The following KLK15 variants were observed in gnomAD, a reference collection of about 807,000 sequenced individuals.
KLK15 encodes kallikrein related peptidase 15, also known as kallikrein-15.
Under a neutral mutation model 21.1 loss-of-function variants are expected in KLK15, and 19 were observed. The ratio of observed to expected loss-of-function variants is 0.90; its 90% CI spans 0.63 to 1.32. The LOEUF (loss-of-function observed/expected upper bound fraction) is 1.32, where lower values mean the gene tolerates loss of function less well. Among genes scored for constraint, KLK15 ranks in the 40% most tolerant of loss-of-function variants. The pLI, the probability that KLK15 is intolerant of heterozygous loss-of-function variation, is 0.00. For synonymous variants in KLK15, 141 were observed against 141.5 expected, an observed-to-expected ratio of 1.00 and a Z score of 0.03; for missense variants, 345 against 348.6, an observed-to-expected ratio of 0.99 and a Z score of 0.08.
chr19:50,826,090 G>A (rs1599948980), intron 4 of KLK15, 142 bp from the exon 6 acceptor site: 1 of 798,096 alleles, frequency 1.3e-6, no homozygotes, highest in Non-Finnish European at 1.9e-6. Flanking sequence ...ATACAGCCCA[G>A]TTTATCCCAA....
rs904982631 is a variant in KLK15 at position 50,831,506 on chromosome 19, C to T, written c.-14G>A. On this transcript the variant is annotated 5_prime_UTR_variant, in exon 1 of 5. It introduces an in-frame stop codon into an upstream open reading frame of the 5' UTR. Transcript: ENST00000598239. ...GAGAAGCCACATTGTGGAGGAGGGA[C>T]CAGGGTTCGGCTGCAGTCTGGGGAG... The T allele has an allele frequency of 2.1e-6, 3 of 1,458,702 alleles. No homozygotes were observed. Among genetic ancestry groups the T allele is most frequent in the African/African-American group, 1.5e-5 (1 of 66,712 alleles). 90.4% of individuals were successfully genotyped at this position (1,458,702 alleles called of 1,614,324 possible).
At chr19:50,828,900 C>T (rs1298472426) in intron 1 of KLK15, among the ~76,000 whole-genome samples, 2 of 130,426 alleles carry the variant, frequency 1.5e-5, no homozygotes, top group East Asian at 2.4e-4. Flanking sequence ...ACCCGGGAGG[C>T]GGAGATTGCA....
intron 1 of KLK15, among the ~76,000 whole-genome samples, chr19:50,828,531 C>A (rs1218615165): frequency 6.6e-6 from 1 of 151,730 alleles, no homozygotes; most frequent in Admixed American, 6.6e-5. Context: ...CAGCCAAATT[C>A]AGTGTGCAGT....
Position 50,827,761 on chromosome 19 carries a change from T to C in KLK15, c.98A>G (p.Gln33Arg), listed in dbSNP as rs931680217. 3.0e-5 allele frequency: 49 copies of C among 1,611,148 alleles called. No individual in the cohort carries two copies. The highest frequency in any genetic ancestry group is 3.6e-5 in the Non-Finnish European group (42 of 1,177,676). The change falls in exon 2 of 5, where the codon CAG becomes CGG. Residue 33 changes from glutamine (Q) to arginine (R), a missense_variant. Physicochemically the swap from Gln to Arg is conservative, Grantham distance 43. Transcript: ENST00000598239. ...CTCGTAGAGAGCCACTTGCCATGGCTGGGAGTGGGGTGCACACTCGTCACC... is the reference window on the plus strand; with the variant it reads ...CTCGTAGAGAGCCACTTGCCATGGCCGGGAGTGGGGTGCACACTCGTCACC...
At chr19:50,826,492 C>T in intron 4 of KLK15, 129 bp downstream of exon 5, 3 of 1,154,434 alleles carry the variant, frequency 2.6e-6, no homozygotes, top group Non-Finnish European at 2.4e-6. Context: ...AACTTCTCTT[C>T]CTACTCCATC....
chr19:50,828,486 T>A (rs1228347601), intron 1 of KLK15, among the ~76,000 whole-genome samples: 3 of 151,694 alleles, frequency 2.0e-5, no homozygotes, highest in Non-Finnish European at 4.4e-5. Flanking sequence ...ACTCAGTATG[T>A]GTGACCCAGC....
intron 1 of KLK15, among the ~76,000 whole-genome samples, chr19:50,830,069 C>T (rs955608649): frequency 6.6e-6 from 1 of 151,450 alleles, no homozygotes; most frequent in Non-Finnish European, 1.5e-5. Context: ...TGTGGAGTCA[C>T]TGATTGGGTT....
chr19:50,829,112 T>C lies in KLK15; in HGVS notation c.44-1297A>G, dbSNP rs73585068. On this transcript the variant is annotated intron_variant, in intron 1 of 4. Coordinates refer to ENST00000598239, the Ensembl canonical transcript of KLK15. The stretch of plus-strand genomic sequence containing the variant: ...CACAGAATTGGATATTGTTCAGACC[T>C]AAATTCAACATCTCTAGTGTGAGTC... 8.3e-3 allele frequency among the ~76,000 whole-genome samples: 1,260 copies of C among 151,016 alleles called. 38 individuals are homozygous for C. Among genetic ancestry groups the C allele is most frequent in the African/African-American group, 0.029 (1,189 of 41,186 alleles).
At chr19:50,832,339 T>TTC, upstream of KLK15, among the ~76,000 whole-genome samples, 2 of 149,270 alleles carry the variant, frequency 1.3e-5, no homozygotes, top group African/African-American at 5.0e-5. Context: ...TTTTTTTTTT[T>TTC]TGAGACGGAG....
At chr19:50,832,421 C>T (rs973210248), upstream of KLK15, among the ~76,000 whole-genome samples, 5 of 142,768 alleles carry the variant, frequency 3.5e-5, no homozygotes, top group Admixed American at 1.5e-4. Flanking sequence ...CTTCTGGGTT[C>T]AAGAGATTCT....
downstream of KLK15, chr19:50,825,689 G>C (rs2089867536): frequency 8.6e-7 from 1 of 1,168,932 alleles, no homozygotes; most frequent in Non-Finnish European, 1.2e-6. Flanking sequence ...CTGGGCCTTG[G>C]ACAGGGTCTT....
At chr19:50,827,571 G>A in intron 2 of KLK15, 91 bp downstream of exon 3, 1 of 1,370,438 alleles carries the variant, frequency 7.3e-7, no homozygotes. Context: ...GAACCCAGGA[G>A]TTCTGGCGTC....
chr19:50,831,217 A>C, intron 1 of KLK15: 1 of 393,618 alleles, frequency 2.5e-6, no homozygotes, highest in Non-Finnish European at 4.5e-6. Context: ...TAACCCCAGG[A>C]CCGTGTTCCT....
intron 3 of KLK15, 56 bp from the exon 5 acceptor site, chr19:50,826,813 C>T: frequency 6.3e-7 from 1 of 1,577,660 alleles, no homozygotes. Flanking sequence ...TTGTCCCCTC[C>T]GCCCAAGAGC....
intron 3 of KLK15, 54 bp downstream of exon 4, chr19:50,826,824 C>T: frequency 6.4e-7 from 1 of 1,568,582 alleles, no homozygotes; most frequent in Non-Finnish European, 8.6e-7. Context: ...GCCCAAGAGC[C>T]CTGGAGCATA....
chr19:50,827,753 G>A lies in KLK15; in HGVS notation c.106C>T (p.Gln36Ter), dbSNP rs2123407798. The A allele has an allele frequency of 1.9e-6, 3 of 1,610,902 alleles. No homozygotes were observed. In the East Asian group the frequency reaches 6.7e-5, roughly 36 times the overall value. The stretch of plus-strand genomic sequence containing the variant: ...CGTCCACGCTCGTAGAGAGCCACTT[G>A]CCATGGCTGGGAGTGGGGTGCACAC... The change falls in exon 2 of 5, where the codon CAA becomes TAA. Residue 36 changes from glutamine (Q) to a stop codon, truncating the protein, a stop_gained. Coordinates refer to ENST00000598239, the Ensembl canonical transcript of KLK15. LOFTEE classifies it high-confidence loss of function.
chr19:50,826,557 AT>A, intron 4 of KLK15, 63 bp downstream of exon 5: 3 of 1,502,954 alleles, frequency 2.0e-6, no homozygotes, highest in Non-Finnish European at 1.8e-6. Flanking sequence ...ATCCAACCCC[AT>A]CCGGACTCCC....
chr19:50,827,905 C>T (rs2089912764), intron 1 of KLK15, 90 bp from the exon 3 acceptor site: 1 of 1,239,560 alleles, frequency 8.1e-7, no homozygotes, highest in Non-Finnish European at 1.2e-6. Flanking sequence ...TACTATATGC[C>T]TATGCCTTTC....
At chr19:50,827,864 C>G (rs369395219) in intron 1 of KLK15, 49 bp from the exon 3 acceptor site, 9 of 1,566,728 alleles carry the variant, frequency 5.7e-6, no homozygotes, top group Non-Finnish European at 7.0e-6. Flanking sequence ...TTTACATTGC[C>G]TCCTACACCT....
Sources: allele counts gnomAD v4.1 joint callset (sites outside exome capture counted in the v4.1 genomes callset), GRCh38; gene constraint gnomAD v4.1.1; transcripts MANE v1.5; gene names NCBI Gene and HGNC (gene_info 2026-07-23, HGNC 2026-07-21).